Variants in MTG2 observed in about 807,000 individuals in gnomAD.
The protein encoded by MTG2 is mitochondrial ribosome associated GTPase 2.
MTG2 carries 23 observed loss-of-function variants against 28.6 expected under a neutral mutation model. The observed-to-expected ratio is 0.80, with a 90% CI of 0.58 to 1.14. The LOEUF is 1.14. MTG2 is among the 50% of genes most tolerant of loss of function. The probability of loss-of-function intolerance (pLI) is 0.00; values close to 1 mark genes in which losing one functional copy is unlikely to be tolerated. For synonymous variants in MTG2, 260 were observed against 251.8 expected, an observed-to-expected ratio of 1.03 and a Z score of -0.31; for missense variants, 539 against 552.0, an observed-to-expected ratio of 0.98 and a Z score of 0.24.
At position 62,193,517 on chromosome 20, in the gene MTG2, C is replaced by A. The variant is rs41284984; in HGVS notation, c.97C>A (p.Arg33=). 3.4e-4 allele frequency: 545 copies of A among 1,613,990 alleles called. 1 individual carries two copies. The highest frequency in any genetic ancestry group is 4.0e-4 in the Non-Finnish European group (467 of 1,180,042). Residue 33 remains arginine (R), a synonymous_variant, in exon 2 of 7, where the codon CGG becomes AGG. Transcript: ENST00000370823. ...CACATGGGCTGGCCTGAAGCCCAGC[C>A]GGCTACTGCCACAGCGGGCTTCTCC... The part of the protein sequence containing the change: ...LSTWAGLKPS[R]LLPQRASPRL...
chr20:62,200,593 A>G, intron 6 of MTG2, 90 bp from the exon 7 acceptor site: 1 of 1,455,664 alleles, frequency 6.9e-7, no homozygotes. Context: ...AGTGGGCTCC[A>G]GGCCTTCTCT....
In MTG2 at chr20:62,198,732, G is replaced by A. The variant is rs758044789; in HGVS notation, c.567G>A (p.Gly189=). Residue 189 remains glycine, a synonymous_variant, in exon 5 of 7, where the codon GGG becomes GGA. Transcript: ENST00000370823. The stretch of plus-strand genomic sequence containing the variant: ...TTGCCGCGCTGGGCGGGGCAGGAGG[G>A]AAAGGCAACCGCTTCTTCCTGGCCA... ...EYIAALGGAG[G]KGNRFFLANN... The A allele has an allele frequency of 6.2e-7, 1 of 1,614,120 alleles. No homozygotes were observed. Among genetic ancestry groups the A allele is most frequent in the Admixed American group, 1.7e-5 (1 of 60,036 alleles).
At chr20:62,199,057 A>C (rs2058112498) in intron 5 of MTG2, 62 bp from the exon 6 acceptor site, 1 of 1,605,918 alleles carries the variant, frequency 6.2e-7, no homozygotes, top group East Asian at 2.2e-5. Flanking sequence ...AGTTAGTTAC[A>C]GACTCTGCGC....
In MTG2 at chr20:62,201,751, C is replaced by G. The variant is rs902167818; in HGVS notation, c.*674C>G. 1 of 152,274 alleles carries G rather than the reference C, an allele frequency of 6.6e-6. No individual in the cohort carries two copies. The highest frequency in any genetic ancestry group is 1.5e-5 in the Non-Finnish European group (1 of 68,086). 9.4% of individuals were successfully genotyped at this position (152,274 alleles called of 1,614,324 possible). ...GTCCTTCAGAACACTTCTCTGTGCT[C>G]AGTGGGAGCCAGGAAGCCTCAGGCT... On this transcript the variant is annotated 3_prime_UTR_variant, in exon 7 of 7. Coordinates refer to ENST00000370823, the MANE Select transcript of MTG2 (RefSeq NM_015666.4).
At position 62,201,139 on chromosome 20, in the gene MTG2, G is replaced by A; in HGVS notation, c.*62G>A. 5 of 1,482,756 alleles carry A rather than the reference G, an allele frequency of 3.4e-6. No individual in the cohort carries two copies. Among genetic ancestry groups the A allele is most frequent in the Non-Finnish European group, 4.5e-6 (5 of 1,121,922 alleles). The allele number at this position is 1,482,756 out of a possible 1,614,324, so 91.8% of individuals were successfully genotyped here. A position where few individuals can be genotyped will look rare whatever the true frequency, so the allele number is the denominator to read the frequency against. ...GAGCAAACCTGGGTGTGAATTCGGT[G>A]GTTTTGAATGCATAAAGTGCCTTGT... On this transcript the variant is annotated 3_prime_UTR_variant, in exon 7 of 7. Coordinates refer to ENST00000370823, the MANE Select transcript of MTG2 (RefSeq NM_015666.4).
At chr20:62,184,782 C>T (rs1180862998) in intron 1 of MTG2, among the ~76,000 whole-genome samples, 2 of 152,198 alleles carry the variant, frequency 1.3e-5, no homozygotes, top group East Asian at 3.9e-4. Context: ...AGTATTACCC[C>T]TCGCAGGGTA....
chr20:62,201,933 A>T lies in MTG2; in HGVS notation c.*856A>T, dbSNP rs1055859436. 6.6e-6 allele frequency: 1 copy of T among 152,292 alleles called. No homozygotes were observed. 9.4% of individuals were successfully genotyped at this position (152,292 alleles called of 1,614,324 possible). The stretch of plus-strand genomic sequence containing the variant: ...ATGGGCAGGGTATAGTGAGGAGTGG[A>T]AGGAGACGTGTGCCTGGTAATATGG... On this transcript the variant is annotated 3_prime_UTR_variant, in exon 7 of 7. Coordinates refer to ENST00000370823, the MANE Select transcript of MTG2 (RefSeq NM_015666.4).
At chr20:62,198,999 C>T (rs2058111495) in intron 5 of MTG2, 120 bp from the exon 6 acceptor site, 2 of 1,546,720 alleles carry the variant, frequency 1.3e-6, no homozygotes, top group Non-Finnish European at 1.8e-6. Context: ...TGGTCGTGAG[C>T]ATGAGCCCTT....
chr20:62,198,868 GC>G lies in MTG2; in HGVS notation c.687+18del. The G allele has an allele frequency of 6.2e-7, 1 of 1,613,578 alleles. No homozygotes were observed. Among genetic ancestry groups the G allele is most frequent in the Non-Finnish European group, 8.5e-7 (1 of 1,179,708 alleles). ...CGCCGGAATGGTAGGTGTCCCCACT[GC>G]CAACAGCATCTGCACACACTCAGCT... On this transcript the variant is annotated intron_variant, in intron 5 of 6. Coordinates refer to ENST00000370823, the MANE Select transcript of MTG2 (RefSeq NM_015666.4).
intron 4 of MTG2, 30 bp from the exon 5 acceptor site, chr20:62,198,604 C>T (rs763105039): frequency 6.2e-7 from 1 of 1,606,486 alleles, no homozygotes; most frequent in Non-Finnish European, 8.5e-7. Flanking sequence ...GCTGGTAGAG[C>T]TCAGCTGATG....
chr20:62,185,315 G>GGCAGGAGAATCC (rs1355279940), intron 1 of MTG2, among the ~76,000 whole-genome samples: 3 of 152,146 alleles, frequency 2.0e-5, no homozygotes, highest in African/African-American at 7.2e-5. Context: ...GGGAGGTTGA[G>GGCAGGAGAATCC]GCAGGAGAAT....
In MTG2 at chr20:62,198,729, AG is replaced by A. The variant is rs536250039; in HGVS notation, c.567del (p.Gly191AlafsTer14). On this transcript the variant is annotated frameshift_variant, in exon 5 of 7. Coordinates refer to ENST00000370823, the MANE Select transcript of MTG2 (RefSeq NM_015666.4). LOFTEE classifies it high-confidence loss of function. ...EYIAALGGAG[G>X]KGNRFFLANN... Reference sequence around the variant, plus strand: ...ACATTGCCGCGCTGGGCGGGGCAGGAGGGAAAGGCAACCGCTTCTTCCTGGC... The same window carrying A: ...ACATTGCCGCGCTGGGCGGGGCAGGAGGAAAGGCAACCGCTTCTTCCTGGC... 1.3e-3 allele frequency: 2,150 copies of A among 1,614,134 alleles called. No individual in the cohort carries two copies. The highest frequency in any genetic ancestry group is 1.3e-3 in the Non-Finnish European group (1,519 of 1,180,050).
chr20:62,198,067 C>G (rs2058092804), intron 4 of MTG2, 100 bp downstream of exon 4: 2 of 912,524 alleles, frequency 2.2e-6, no homozygotes, highest in East Asian at 2.5e-5. Flanking sequence ...TGGCTTGATG[C>G]CCACAGCTAG....
chr20:62,183,335 A>G (rs2057762000), intron 1 of MTG2, among the ~76,000 whole-genome samples: 1 of 152,224 alleles, frequency 6.6e-6, no homozygotes. Flanking sequence ...TTGGGGTCAG[A>G]AGTCTTGTCA....
In MTG2 at chr20:62,201,191, G is replaced by C; in HGVS notation, c.*114G>C. Reference sequence around the variant, plus strand: ...GACACGGGGGAGTTGTGGTGCTTCTGGGTCTCTGGGCCCCGCCTGCTGGCC... The same window carrying C: ...GACACGGGGGAGTTGTGGTGCTTCTCGGTCTCTGGGCCCCGCCTGCTGGCC... On this transcript the variant is annotated 3_prime_UTR_variant, in exon 7 of 7. Coordinates refer to ENST00000370823, the MANE Select transcript of MTG2 (RefSeq NM_015666.4). The C allele has an allele frequency of 7.6e-7, 1 of 1,313,604 alleles. No individual in the cohort carries two copies. Among genetic ancestry groups the C allele is most frequent in the Non-Finnish European group, 1.0e-6 (1 of 987,856 alleles). The allele number at this position is 1,313,604 out of a possible 1,614,324, so 81.4% of individuals were successfully genotyped here. A position where few individuals can be genotyped will look rare whatever the true frequency, so the allele number is the denominator to read the frequency against.
intron 1 of MTG2, among the ~76,000 whole-genome samples, chr20:62,192,939 A>G (rs1453663645): frequency 1.3e-5 from 2 of 152,182 alleles, no homozygotes; most frequent in Non-Finnish European, 2.9e-5. Context: ...GCCTTCCCTT[A>G]GAGTTACTTT....
At chr20:62,188,455 T>G (rs1413596228) in intron 1 of MTG2, among the ~76,000 whole-genome samples, 1 of 150,288 alleles carries the variant, frequency 6.7e-6, no homozygotes, top group Non-Finnish European at 1.5e-5. Context: ...CACCTTAGCC[T>G]CCTAAGTAGC....
rs1192554435 is a variant in MTG2, at chr20:62,199,129, C to T, written c.698C>T (p.Pro233Leu). 1 of 1,614,090 alleles carries T rather than the reference C, an allele frequency of 6.2e-7. No individual in the cohort carries two copies. The highest frequency in any genetic ancestry group is 8.5e-7 in the Non-Finnish European group (1 of 1,180,004). Residue 233 changes from proline (P) to leucine (L), a missense_variant, in exon 6 of 7, where the codon CCC becomes CTC. Transcript: ENST00000370823. ...TVAHAGMVGF[P>L]NAGKSSLLRA... ...CCCTCTTTCCCCCAGGTGGGATTCCCCAACGCCGGGAAGTCCTCACTGCTC... is the reference window on the plus strand; with the variant it reads ...CCCTCTTTCCCCCAGGTGGGATTCCTCAACGCCGGGAAGTCCTCACTGCTC...
intron 1 of MTG2, 101 bp from the exon 2 acceptor site, chr20:62,193,315 A>C: frequency 8.6e-7 from 1 of 1,163,738 alleles, no homozygotes. Flanking sequence ...TTGTTTCAGA[A>C]ACGTGCACAA....
Sources: allele counts gnomAD v4.1 joint callset (sites outside exome capture counted in the v4.1 genomes callset), GRCh38; gene constraint gnomAD v4.1.1; transcripts MANE v1.5; gene names NCBI Gene and HGNC (gene_info 2026-07-23, HGNC 2026-07-21).